Variants in ZNF18 observed in about 807,000 individuals in gnomAD.
ZNF18 encodes the protein zinc finger protein 18.
In ZNF18, 42 loss-of-function variants were observed where a neutral mutation model predicts 58.1. The observed-to-expected ratio is 0.72, with a 90% confidence interval of 0.56 to 0.93. The LOEUF (loss-of-function observed/expected upper bound fraction) is 0.93, where lower values mean the gene tolerates loss of function less well. Among genes scored for constraint, ZNF18 ranks in the 40% least tolerant of loss-of-function variants. The pLI is 0.00. For synonymous variants in ZNF18, 231 were observed against 239.8 expected (o/e 0.96, Z 0.34); for missense variants, 540 against 644.2 (o/e 0.84, Z 1.75).
chr17:12,011,260 A>T, the ZNF18 span: 1 of 385,190 alleles, frequency 2.6e-6, no homozygotes, highest in Non-Finnish European at 4.7e-6. Flanking sequence ...GTTCCCCTGA[A>T]TCATATTTTG....
At chr17:12,001,230 C>T (rs118132532), upstream of ZNF18, among the ~76,000 whole-genome samples, 232 of 152,136 alleles carry the variant, frequency 1.5e-3, no homozygotes, top group Non-Finnish European at 1.9e-3. Context: ...ACAGAGAAAA[C>T]GGGGAATAGA....
the ZNF18 span, among the ~76,000 whole-genome samples, chr17:12,008,037 G>C: frequency 3.3e-5 from 5 of 152,180 alleles, no homozygotes; most frequent in Admixed American, 2.0e-4. Flanking sequence ...GTCTTGAGGA[G>C]GGCCACTGCA....
the ZNF18 span, among the ~76,000 whole-genome samples, chr17:12,018,273 T>C: frequency 1.3e-5 from 2 of 152,348 alleles, no homozygotes; most frequent in South Asian, 2.1e-4. Context: ...TTTTAAGCAA[T>C]TCATTTTTCT....
chr17:11,983,983 A>C, intron 5 of ZNF18, 130 bp downstream of exon 5: 1 of 745,018 alleles, frequency 1.3e-6, no homozygotes, highest in Non-Finnish European at 2.1e-6. Context: ...CCAGTTCCCA[A>C]CTGTGTCCCT....
chr17:12,013,845 T>G, the ZNF18 span, among the ~76,000 whole-genome samples: 1 of 152,242 alleles, frequency 6.6e-6, no homozygotes, highest in Non-Finnish European at 1.5e-5. Context: ...ATTTAGTTGC[T>G]GATATCTGAT....
chr17:11,990,933 C>CA (rs1567605918), intron 3 of ZNF18, 41 bp downstream of exon 3: 2 of 1,583,164 alleles, frequency 1.3e-6, no homozygotes. Context: ...ATCACAATCC[C>CA]AAAATCTCTC....
chr17:11,985,657 T>C (rs1332014969), intron 4 of ZNF18, among the ~76,000 whole-genome samples: 1 of 152,180 alleles, frequency 6.6e-6, no homozygotes, highest in Admixed American at 6.5e-5. Context: ...TCTGTCATCC[T>C]CTCCATTGTA....
rs761826934 is a variant in ZNF18, at chr17:11,978,042, C to T, written c.1565G>A (p.Cys522Tyr). 6.8e-6 allele frequency: 11 copies of T among 1,612,756 alleles called. No individual in the cohort carries two copies. The highest frequency in any genetic ancestry group is 8.5e-6 in the Non-Finnish European group (10 of 1,179,600). ...GCTGAAACTTTTCCCACAGTGCGAA[C>T]ATTTATAAGGTTTCTCTCCAGTGTG... ...RVHTGEKPYK[C>Y]SHCGKSFSWS... Residue 522 changes from cysteine to tyrosine, a missense_variant, in exon 7 of 7, where the codon TGT becomes TAT. Coordinates refer to ENST00000580306, the MANE Select transcript of ZNF18 (RefSeq NM_001303281.2).
chr17:11,983,535 A>C, intron 5 of ZNF18, 128 bp from the exon 6 acceptor site: 10 of 675,692 alleles, frequency 1.5e-5, no homozygotes, highest in African/African-American at 3.6e-5. Context: ...GCAGAAACTC[A>C]CCTTAGAACA....
Position 11,977,868 on chromosome 17 carries a change from C to T in ZNF18, c.*89G>A, listed in dbSNP as rs1039009953. ...GAAAAAAGGAGATTAACAGGGGTAT[C>T]CTCTTAGACACAATTCCTCTTGATG... On this transcript the variant is annotated 3_prime_UTR_variant, in exon 7 of 7. Coordinates refer to ENST00000580306, the MANE Select transcript of ZNF18 (RefSeq NM_001303281.2). 3 of 1,431,804 alleles carry T rather than the reference C, an allele frequency of 2.1e-6. No individual in the cohort carries two copies. The African/African-American group carries it at 4.3e-5, about 21-fold the overall frequency. The allele number at this position is 1,431,804 out of a possible 1,614,324, so 88.7% of individuals were successfully genotyped here.
intron 4 of ZNF18, among the ~76,000 whole-genome samples, chr17:11,989,416 C>G (rs12150155): frequency 0.24 from 36,262 of 152,070 alleles, 5,149 homozygotes; most frequent in Middle Eastern, 0.35. Flanking sequence ...AAAACTGACC[C>G]AGAACCAATG....
intron 2 of ZNF18, 90 bp downstream of exon 2, chr17:11,992,353 A>G (rs1968179148): frequency 6.6e-7 from 1 of 1,504,644 alleles, no homozygotes; most frequent in Non-Finnish European, 8.9e-7. Flanking sequence ...ATTTTGTGTC[A>G]TAAGTGGTAT....
chr17:11,992,340 C>T (rs1386124635), intron 2 of ZNF18, 103 bp downstream of exon 2: 21 of 1,454,310 alleles, frequency 1.4e-5, no homozygotes, highest in Non-Finnish European at 1.6e-5. Context: ...AAAAGCCCCA[C>T]CCATTTTGTG....
chr17:12,017,146 G>A, the ZNF18 span, among the ~76,000 whole-genome samples: 1 of 151,498 alleles, frequency 6.6e-6, no homozygotes, highest in Non-Finnish European at 1.5e-5. Flanking sequence ...GTAGTGAGCT[G>A]AGATCATGCC....
At chr17:11,998,256 G>T (rs1968585841), upstream of ZNF18, 1 of 151,970 alleles carries the variant, frequency 6.6e-6, no homozygotes, top group Admixed American at 6.6e-5. Context: ...TTTCCCCAGC[G>T]TCCAGTGTTG....
intron 6 of ZNF18, among the ~76,000 whole-genome samples, chr17:11,979,062 A>C (rs1439474788): frequency 6.6e-6 from 1 of 151,288 alleles, no homozygotes; most frequent in Non-Finnish European, 1.5e-5. Context: ...AAACAAGTAT[A>C]TTATAGGCAA....
In ZNF18 at chr17:11,993,869, T is replaced by C. The variant is rs995429923; in HGVS notation, c.-82-958A>G. ...AAAAAAGAGGGTTGAGAAGACTAAC[T>C]ACCTTGAAAATACTCCTATGGTGTT... is the stretch of plus-strand genomic sequence containing the variant. On this transcript the variant is annotated intron_variant, in intron 1 of 6. Coordinates refer to ENST00000580306, the MANE Select transcript of ZNF18 (RefSeq NM_001303281.2). 1.8e-4 allele frequency among the ~76,000 whole-genome samples: 25 copies of C among 136,818 alleles called. No individual in the cohort carries two copies. In the Admixed American group the frequency reaches 1.8e-3, roughly 10 times the overall value. 89.8% of individuals were successfully genotyped at this position (136,818 alleles called of 152,430 possible).
intron 6 of ZNF18, among the ~76,000 whole-genome samples, chr17:11,980,319 T>G (rs1225558879): frequency 1.3e-5 from 2 of 152,232 alleles, no homozygotes; most frequent in Non-Finnish European, 2.9e-5. Flanking sequence ...TTTTTCATAC[T>G]CGAAGACTGC....
chr17:12,012,684 AT>A, the ZNF18 span, among the ~76,000 whole-genome samples: 1 of 152,006 alleles, frequency 6.6e-6, no homozygotes, highest in African/African-American at 2.4e-5. Context: ...TTTAATTTAC[AT>A]CTTTTTTTTT....
Sources: allele counts gnomAD v4.1 joint callset (sites outside exome capture counted in the v4.1 genomes callset), GRCh38; gene constraint gnomAD v4.1.1; transcripts MANE v1.5; gene names NCBI Gene and HGNC (gene_info 2026-07-23, HGNC 2026-07-21).